Variants in CHLSN observed in about 807,000 individuals in gnomAD.
The protein encoded by CHLSN is cholesin.
At chr7:1,042,084 C>T in the CHLSN span, among the ~76,000 whole-genome samples, 753 of 151,902 alleles carry the variant, frequency 5.0e-3, 3 homozygotes, top group Middle Eastern at 0.041. Flanking sequence ...GCAACACACA[C>T]GGCACACAGG....
the CHLSN span, chr7:984,274 G>A: frequency 8.6e-7 from 1 of 1,164,036 alleles, no homozygotes. Context: ...TGGCTTTATG[G>A]CATCTAGGCG....
the CHLSN span, among the ~76,000 whole-genome samples, chr7:1,016,101 ACACAGCAGCG>A: frequency 4.5e-5 from 5 of 110,074 alleles, no homozygotes; most frequent in South Asian, 5.4e-4. Context: ...GCACAGCAGC[ACACAGCAGCG>A]CACAGCAGCA....
At chr7:1,106,627 C>T in the CHLSN span, among the ~76,000 whole-genome samples, 17 of 152,102 alleles carry the variant, frequency 1.1e-4, 1 homozygote, top group Non-Finnish European at 1.5e-5. Flanking sequence ...GTGAGGGTGA[C>T]GGGCCTGGGG....
chr7:1,115,083 T>G, the CHLSN span, among the ~76,000 whole-genome samples: 1 of 152,268 alleles, frequency 6.6e-6, no homozygotes, highest in Non-Finnish European at 1.5e-5. Flanking sequence ...AAGCTCATGC[T>G]TTGGCGGAGA....
the CHLSN span, among the ~76,000 whole-genome samples, chr7:999,553 C>T: frequency 9.2e-5 from 14 of 152,076 alleles, no homozygotes; most frequent in Admixed American, 2.6e-4. Context: ...CCAGCCTGGG[C>T]GGGGCCCTGT....
chr7:1,002,687 G>A, the CHLSN span, among the ~76,000 whole-genome samples: 5 of 85,356 alleles, frequency 5.9e-5, no homozygotes, highest in African/African-American at 3.2e-4. Context: ...GGAGTCCTGC[G>A]GGTGAGTGGA....
At chr7:1,056,457 T>G in the CHLSN span, 1 of 152,514 alleles carries the variant, frequency 6.6e-6, no homozygotes, top group Non-Finnish European at 1.5e-5. Context: ...TGGATGGGAA[T>G]TCCCACATCT....
At chr7:1,064,320 A>AC in the CHLSN span, among the ~76,000 whole-genome samples, 49 of 152,150 alleles carry the variant, frequency 3.2e-4, no homozygotes, top group African/African-American at 1.2e-3. Context: ...GGAAAGACGC[A>AC]CGATGGCTCC....
the CHLSN span, among the ~76,000 whole-genome samples, chr7:1,027,353 C>T: frequency 2.0e-5 from 3 of 152,254 alleles, no homozygotes; most frequent in African/African-American, 7.2e-5. Context: ...CTAGGCAGCC[C>T]GGTTCGCGTG....
At chr7:980,818 G>A in the CHLSN span, among the ~76,000 whole-genome samples, 3 of 151,564 alleles carry the variant, frequency 2.0e-5, no homozygotes, top group African/African-American at 7.3e-5. Context: ...CTCCTGAGTA[G>A]CTGGGACTAC....
chr7:1,030,708 G>A, the CHLSN span, among the ~76,000 whole-genome samples: 1 of 150,980 alleles, frequency 6.6e-6, no homozygotes, highest in African/African-American at 2.4e-5. Flanking sequence ...AGGCAGGCGG[G>A]GACTCTCTCT....
At chr7:1,032,986 T>C in the CHLSN span, among the ~76,000 whole-genome samples, 2 of 152,174 alleles carry the variant, frequency 1.3e-5, no homozygotes, top group African/African-American at 4.8e-5. Flanking sequence ...CTCTCCTCTG[T>C]GCACTCGCGG....
At chr7:1,122,122 G>C in the CHLSN span, among the ~76,000 whole-genome samples, 1 of 152,220 alleles carries the variant, frequency 6.6e-6, no homozygotes, top group African/African-American at 2.4e-5. Context: ...CAGAAACCAG[G>C]GGTGAGTCTC....
chr7:1,055,560 G>T, the CHLSN span: 80 of 412,676 alleles, frequency 1.9e-4, no homozygotes, highest in African/African-American at 1.5e-3. Context: ...GAGGGGACGT[G>T]GGGGACTCTG....
chr7:1,083,920 G>A, the CHLSN span, among the ~76,000 whole-genome samples: 1 of 152,234 alleles, frequency 6.6e-6, no homozygotes, highest in Non-Finnish European at 1.5e-5. Flanking sequence ...ACCTGGCGCG[G>A]AGCCACGGCC....
At chr7:1,015,849 G>A in the CHLSN span, among the ~76,000 whole-genome samples, 1 of 152,208 alleles carries the variant, frequency 6.6e-6, no homozygotes, top group African/African-American at 2.4e-5. Flanking sequence ...GTCATCGAGT[G>A]CTGACCGCCA....
At chr7:1,070,990 A>ACG in the CHLSN span, among the ~76,000 whole-genome samples, 4 of 150,492 alleles carry the variant, frequency 2.7e-5, no homozygotes, top group Non-Finnish European at 5.9e-5. Flanking sequence ...ACACGGGCAC[A>ACG]CACACACGTG....
At chr7:1,017,672 T>G in the CHLSN span, among the ~76,000 whole-genome samples, 11 of 152,192 alleles carry the variant, frequency 7.2e-5, no homozygotes, top group Admixed American at 7.2e-4. Flanking sequence ...AGGGGAGACT[T>G]CTCCAGTGGG....
At chr7:1,119,889 A>AAAG in the CHLSN span, among the ~76,000 whole-genome samples, 480 of 150,258 alleles carry the variant, frequency 3.2e-3, 3 homozygotes, top group Non-Finnish European at 5.0e-3. Flanking sequence ...AAAAAAAAAA[A>AAAG]GGGGGATAGA....
Sources: gnomAD v4.1 joint callset for allele counts (sites outside exome capture counted in the v4.1 genomes callset) on GRCh38, gnomAD v4.1.1 for gene constraint, MANE v1.5 for transcripts, NCBI Gene and HGNC (gene_info 2026-07-23, HGNC 2026-07-21) for gene names.